RHBDD1: variants seen among roughly 807,000 people sequenced by gnomAD.
The protein encoded by RHBDD1 is rhomboid-related protein 4.
RHBDD1 carries 38 observed loss-of-function variants against 36.3 expected under a neutral mutation model. The observed-to-expected ratio is 1.05, with a 90% CI of 0.81 to 1.37. RHBDD1 has a LOEUF of 1.37. Among genes scored for constraint, RHBDD1 ranks in the 40% most tolerant of loss-of-function variants. The probability of loss-of-function intolerance (pLI) is 0.00; values close to 1 mark genes in which losing one functional copy is unlikely to be tolerated. For missense variants in RHBDD1, 393 were observed against 377.6 expected (o/e 1.04, Z -0.34); for synonymous variants, 151 against 136.5 (o/e 1.11, Z -0.74).
chr2:226,978,955 C>A (rs1475331889), intron 8 of RHBDD1, among the ~76,000 whole-genome samples: 1 of 152,082 alleles, frequency 6.6e-6, no homozygotes, highest in Non-Finnish European at 1.5e-5. Flanking sequence ...TGTTAGAGTT[C>A]TTCAGAGGGA....
chr2:226,929,823 A>G (rs922085792), intron 8 of RHBDD1, among the ~76,000 whole-genome samples: 1 of 152,086 alleles, frequency 6.6e-6, no homozygotes, highest in African/African-American at 2.4e-5. Context: ...AATGTATACA[A>G]ATCAGTAGCA....
chr2:226,871,024 C>T (rs1944757320), intron 5 of RHBDD1, among the ~76,000 whole-genome samples: 1 of 152,066 alleles, frequency 6.6e-6, no homozygotes, highest in African/African-American at 2.4e-5. Context: ...AAAGCATTAC[C>T]CCCTAGGCTT....
At chr2:226,984,698 G>C (rs1956539997) in intron 8 of RHBDD1, among the ~76,000 whole-genome samples, 1 of 152,162 alleles carries the variant, frequency 6.6e-6, no homozygotes, top group Non-Finnish European at 1.5e-5. Context: ...GGAACCACTG[G>C]TGCTGGAGAC....
upstream of RHBDD1, among the ~76,000 whole-genome samples, chr2:226,835,289 A>G (rs961026580): frequency 1.3e-5 from 2 of 152,228 alleles, no homozygotes; most frequent in African/African-American, 2.4e-5. Context: ...ACAGCTAAAC[A>G]TAAAACTTGC....
the RHBDD1 span, among the ~76,000 whole-genome samples, chr2:226,820,680 A>G: frequency 0.039 from 5,826 of 150,634 alleles, 403 homozygotes; most frequent in African/African-American, 0.13. Context: ...GAAAAAAAAA[A>G]TTAGCCGGCC....
chr2:226,986,029 C>T (rs948895655), intron 8 of RHBDD1, among the ~76,000 whole-genome samples: 2 of 152,220 alleles, frequency 1.3e-5, no homozygotes, highest in Admixed American at 6.5e-5. Flanking sequence ...GTTGACAGCA[C>T]GTTGATATGT....
intron 8 of RHBDD1, among the ~76,000 whole-genome samples, chr2:226,918,440 A>G (rs554121562): frequency 6.6e-6 from 1 of 151,978 alleles, no homozygotes; most frequent in East Asian, 1.9e-4. Context: ...TATTTTTTGT[A>G]CCCATTAACC....
chr2:226,801,149 G>T, the RHBDD1 span, among the ~76,000 whole-genome samples: 2 of 152,222 alleles, frequency 1.3e-5, no homozygotes, highest in Non-Finnish European at 2.9e-5. Context: ...AGGCACTGCA[G>T]GATGCTGGCT....
intron 8 of RHBDD1, chr2:226,969,090 C>T: frequency 4.9e-6 from 1 of 203,306 alleles, no homozygotes; most frequent in Non-Finnish European, 1.0e-5. Context: ...ATGGGCTCCA[C>T]CAACCAGAAG....
chr2:226,948,576 A>AAAAT (rs1559302821), intron 8 of RHBDD1, among the ~76,000 whole-genome samples: 13 of 137,584 alleles, frequency 9.4e-5, no homozygotes, highest in East Asian at 4.2e-4. Context: ...AAAAAAAAAA[A>AAAAT]AAAAAAAAAC....
At chr2:226,974,578 T>A (rs1361777146) in intron 8 of RHBDD1, among the ~76,000 whole-genome samples, 1 of 152,214 alleles carries the variant, frequency 6.6e-6, no homozygotes, top group Non-Finnish European at 1.5e-5. Context: ...AGGTATTAAC[T>A]TCTTTAGAGT....
intron 8 of RHBDD1, among the ~76,000 whole-genome samples, chr2:226,965,501 G>A (rs911965250): frequency 6.6e-6 from 1 of 152,196 alleles, no homozygotes; most frequent in African/African-American, 2.4e-5. Flanking sequence ...AGAGGACTGC[G>A]GCTCCACTTA....
intron 5 of RHBDD1, 140 bp downstream of exon 5, chr2:226,867,458 G>T: frequency 2.5e-6 from 3 of 1,217,606 alleles, no homozygotes; most frequent in Middle Eastern, 2.4e-4. Context: ...AAGCTTAATA[G>T]TTTTAATGTC....
At chr2:226,809,988 T>C in the RHBDD1 span, among the ~76,000 whole-genome samples, 1 of 152,156 alleles carries the variant, frequency 6.6e-6, no homozygotes, top group African/African-American at 2.4e-5. Flanking sequence ...GGACACACAA[T>C]TTACTAAAGT....
chr2:226,974,491 C>G (rs1292907143), intron 8 of RHBDD1, among the ~76,000 whole-genome samples: 1 of 152,172 alleles, frequency 6.6e-6, no homozygotes, highest in African/African-American at 2.4e-5. Context: ...CAGGTCTTGG[C>G]CTCCCAAAGT....
At chr2:226,944,751 T>C (rs1002958714) in intron 8 of RHBDD1, among the ~76,000 whole-genome samples, 1 of 152,174 alleles carries the variant, frequency 6.6e-6, no homozygotes, top group African/African-American at 2.4e-5. Flanking sequence ...AATACTTAGG[T>C]AGTGAACATC....
At chr2:226,802,007 C>G in the RHBDD1 span, among the ~76,000 whole-genome samples, 130 of 152,018 alleles carry the variant, frequency 8.6e-4, no homozygotes, top group Non-Finnish European at 3.8e-4. Flanking sequence ...CCTGTCCCTA[C>G]CTCCGTCCCT....
chr2:226,841,369 CAT>C (rs574271425), intron 3 of RHBDD1, among the ~76,000 whole-genome samples: 19 of 152,084 alleles, frequency 1.2e-4, no homozygotes, highest in South Asian at 4.2e-4. Context: ...CATAGGTAAA[CAT>C]GTGCCATGGT....
At chr2:226,956,530 A>AAGT (rs1951803718) in intron 8 of RHBDD1, among the ~76,000 whole-genome samples, 1 of 151,892 alleles carries the variant, frequency 6.6e-6, no homozygotes, top group South Asian at 2.1e-4. Flanking sequence ...GGGAAGATAA[A>AAGT]AGTTGTTGTT....
Sources: gnomAD v4.1 joint callset for allele counts (sites outside exome capture counted in the v4.1 genomes callset) on GRCh38, gnomAD v4.1.1 for gene constraint, MANE v1.5 for transcripts, NCBI Gene and HGNC (gene_info 2026-07-23, HGNC 2026-07-21) for gene names.